TCF12: variants seen among roughly 807,000 people sequenced by gnomAD.
TCF12 encodes DNA-binding protein HTF4.
A neutral mutation model predicts 86.0 loss-of-function variants in TCF12; 45 were observed. The observed-to-expected ratio is 0.52, with a 90% CI of 0.41 to 0.67. TCF12 has a LOEUF of 0.67. Among genes scored for constraint, TCF12 ranks in the 30% least tolerant of loss-of-function variants. The probability of loss-of-function intolerance (pLI) is 0.00; values close to 1 mark genes in which losing one functional copy is unlikely to be tolerated. For missense variants in TCF12, 881 were observed against 859.9 expected, an observed-to-expected ratio of 1.02 and a Z score of -0.31; for synonymous variants, 330 against 299.6, an observed-to-expected ratio of 1.10 and a Z score of -1.05.
At chr15:57,282,039 A>G (rs2061713979) in intron 19 of TCF12, 1 of 232,314 alleles carries the variant, frequency 4.3e-6, no homozygotes, top group Non-Finnish European at 8.4e-6. Context: ...TGAACTGGTA[A>G]CATTTTAGAT....
At chr15:57,280,455 T>G (rs1947865687) in intron 19 of TCF12, among the ~76,000 whole-genome samples, 1 of 152,236 alleles carries the variant, frequency 6.6e-6, no homozygotes, top group African/African-American at 2.4e-5. Context: ...TTAGTATGCA[T>G]CACTGATAGT....
At chr15:57,091,918 T>G in intron 5 of TCF12, 27 bp downstream of exon 5, 1 of 1,580,430 alleles carries the variant, frequency 6.3e-7, no homozygotes. Flanking sequence ...CTGCAAGTAG[T>G]CTTCTCAAAG....
Position 57,144,199 on chromosome 15 carries a change from G to C in TCF12, c.326-22203G>C, listed in dbSNP as rs76014637. Among the ~76,000 whole-genome samples, 63 of 152,248 alleles carry C rather than the reference G, an allele frequency of 4.1e-4. 1 individual carries two copies. The East Asian group carries it at 0.012, about 29-fold the overall frequency. On this transcript the variant is annotated intron_variant, in intron 5 of 20. Transcript: ENST00000333725. ...CAGGGGTATCAGTTGGGAGCCAAATGCTTATGTGTTCATCCACAGGAATCT... is the reference window on the plus strand; with the variant it reads ...CAGGGGTATCAGTTGGGAGCCAAATCCTTATGTGTTCATCCACAGGAATCT...
At chr15:56,988,709 G>C (rs1398929161) in intron 3 of TCF12, among the ~76,000 whole-genome samples, 2 of 152,194 alleles carry the variant, frequency 1.3e-5, no homozygotes, top group African/African-American at 4.8e-5. Context: ...GAACTTTAAA[G>C]TGTATTATGT....
intron 19 of TCF12, 129 bp downstream of exon 19, chr15:57,273,391 G>C: frequency 2.1e-6 from 2 of 965,142 alleles, no homozygotes; most frequent in Non-Finnish European, 3.1e-6. Context: ...TGTATCATCA[G>C]GGTCGTTTTT....
intron 3 of TCF12, among the ~76,000 whole-genome samples, chr15:56,989,785 A>G (rs2063354094): frequency 6.6e-6 from 1 of 152,160 alleles, no homozygotes; most frequent in Non-Finnish European, 1.5e-5. Flanking sequence ...CCTCTTCAGG[A>G]AACAGGAAAC....
intron 5 of TCF12, among the ~76,000 whole-genome samples, chr15:57,126,201 A>G (rs1424312756): frequency 6.6e-6 from 1 of 152,206 alleles, no homozygotes; most frequent in Non-Finnish European, 1.5e-5. Context: ...AGATTGCGCC[A>G]CTACATTCCA....
At chr15:57,095,213 A>G (rs2049243940) in intron 5 of TCF12, among the ~76,000 whole-genome samples, 1 of 152,154 alleles carries the variant, frequency 6.6e-6, no homozygotes, top group Non-Finnish European at 1.5e-5. Flanking sequence ...AACTGTATGA[A>G]AAGCTTTGAC....
intron 4 of TCF12, among the ~76,000 whole-genome samples, chr15:57,085,256 C>T (rs1168876438): frequency 6.6e-6 from 1 of 152,120 alleles, no homozygotes; most frequent in African/African-American, 2.4e-5. Flanking sequence ...AGTTCTTGCC[C>T]TGTAGAAATG....
intron 6 of TCF12, among the ~76,000 whole-genome samples, chr15:57,184,569 A>C (rs2151664779): frequency 6.6e-6 from 1 of 152,324 alleles, no homozygotes; most frequent in Admixed American, 6.5e-5. Context: ...ATATCAATGA[A>C]AGTCAGTTTG....
chr15:57,107,168 G>A (rs901025582), intron 5 of TCF12, among the ~76,000 whole-genome samples: 11 of 152,186 alleles, frequency 7.2e-5, no homozygotes, highest in African/African-American at 2.4e-4. Context: ...CCACCAAGAT[G>A]TCCTTCAGTA....
intron 4 of TCF12, among the ~76,000 whole-genome samples, chr15:57,077,070 G>A (rs1265103024): frequency 2.0e-5 from 3 of 152,046 alleles, no homozygotes; most frequent in African/African-American, 7.2e-5. Context: ...GTAAATCTTG[G>A]TATCAGGTAG....
intron 18 of TCF12, among the ~76,000 whole-genome samples, chr15:57,263,881 C>A (rs2060706744): frequency 6.6e-6 from 1 of 152,040 alleles, no homozygotes; most frequent in South Asian, 2.1e-4. Flanking sequence ...CCCGTATAGG[C>A]CACTTATCAT....
intron 5 of TCF12, among the ~76,000 whole-genome samples, chr15:57,113,671 G>C (rs998030095): frequency 1.3e-5 from 2 of 151,134 alleles, no homozygotes; most frequent in South Asian, 4.2e-4. Context: ...GGGCTCAGTC[G>C]CTTAACACCT....
intron 4 of TCF12, among the ~76,000 whole-genome samples, chr15:57,084,105 A>G (rs1485644644): frequency 2.0e-5 from 3 of 152,152 alleles, no homozygotes; most frequent in Non-Finnish European, 1.5e-5. Flanking sequence ...ATAAAATTAT[A>G]TTGTACCTTA....
chr15:57,100,145 A>G (rs1025277501), intron 5 of TCF12, among the ~76,000 whole-genome samples: 1 of 152,152 alleles, frequency 6.6e-6, no homozygotes, highest in African/African-American at 2.4e-5. Context: ...GTCTAGTTCT[A>G]ACCAAGTGAA....
intron 4 of TCF12, among the ~76,000 whole-genome samples, chr15:57,080,220 C>G (rs2070505930): frequency 6.6e-6 from 1 of 152,174 alleles, no homozygotes; most frequent in Admixed American, 6.5e-5. Context: ...ATCTAATGTA[C>G]TCACAGTTAC....
intron 5 of TCF12, among the ~76,000 whole-genome samples, chr15:57,121,700 C>T (rs1378667346): frequency 6.6e-6 from 1 of 152,098 alleles, no homozygotes; most frequent in African/African-American, 2.4e-5. Context: ...TCCTGCTAGC[C>T]CCTTAATCTT....
At chr15:56,961,975 A>G (rs2061777050) in intron 3 of TCF12, among the ~76,000 whole-genome samples, 2 of 151,342 alleles carry the variant, frequency 1.3e-5, no homozygotes, top group Admixed American at 6.6e-5. Context: ...CTAAAAATTA[A>G]AAAAAAATTA....
Sources: allele counts gnomAD v4.1 joint callset (sites outside exome capture counted in the v4.1 genomes callset), GRCh38; gene constraint gnomAD v4.1.1; transcripts MANE v1.5; gene names NCBI Gene and HGNC (gene_info 2026-07-23, HGNC 2026-07-21).